MYZAP: variants seen among roughly 807,000 people sequenced by gnomAD.
MYZAP encodes myocardial zonula adherens protein, also known as GRINL1A complex locus upstream.
In MYZAP, 66 loss-of-function variants were observed where a neutral mutation model predicts 69.4. That is an observed-to-expected ratio of 0.95 (90% CI 0.78 to 1.17). MYZAP has a LOEUF of 1.17. Among genes scored for constraint, MYZAP ranks in the 50% most tolerant of loss-of-function variants. The pLI is 0.00. For synonymous variants in MYZAP, 256 were observed against 205.9 expected (o/e 1.24, Z -2.09); for missense variants, 611 against 556.2 (o/e 1.10, Z -0.99).
At chr15:57,647,055 G>A in intron 10 of MYZAP, 3 of 985,404 alleles carry the variant, frequency 3.0e-6, no homozygotes, top group Non-Finnish European at 3.6e-6. Flanking sequence ...CGTGGAGTGA[G>A]TGCGTTCAGA....
rs979080553 is a variant in MYZAP at position 57,620,109 on chromosome 15, C to T, written c.319-1499C>T. On this transcript the variant is annotated intron_variant, in intron 3 of 12. Transcript: ENST00000267853. ...CCAGCTCAGGGCCACACATGAAAGC[C>T]GTTCTGCCTGCCTAGAATGAAAAGT... is the stretch of plus-strand genomic sequence containing the variant. Among the ~76,000 whole-genome samples, 5 of 152,156 alleles carry T rather than the reference C, an allele frequency of 3.3e-5. No individual in the cohort carries two copies. In the East Asian group the frequency reaches 5.8e-4, roughly 18 times the overall value.
intron 10 of MYZAP, among the ~76,000 whole-genome samples, chr15:57,642,383 A>C (rs1288921119): frequency 6.6e-6 from 1 of 152,224 alleles, no homozygotes; most frequent in African/African-American, 2.4e-5. Context: ...ATTTTGAAAA[A>C]TCCGGAGTAC....
At chr15:57,599,487 C>T (rs1274261764) in intron 1 of MYZAP, 2 of 1,191,962 alleles carry the variant, frequency 1.7e-6, no homozygotes, top group Non-Finnish European at 2.1e-6. Flanking sequence ...GGAACCCTTG[C>T]CCCCAGGGAC....
chr15:57,629,970 G>GTTTTTTTTTTTTTTTT lies in MYZAP; in HGVS notation c.678+116_678+117insTTTTTTTTTTTTTTTT, dbSNP rs1567216271. 4 of 863,542 alleles carry GTTTTTTTTTTTTTTTT rather than the reference G, an allele frequency of 4.6e-6. No homozygotes were observed. The African/African-American group carries it at 1.1e-4, about 24-fold the overall frequency. 53.5% of individuals were successfully genotyped at this position (863,542 alleles called of 1,614,324 possible). A position where few individuals can be genotyped will look rare whatever the true frequency, so the allele number is the denominator to read the frequency against. ...CTTTTCTCCATTCTCTTCTTCATTG[G>GTTTTTTTTTTTTTTTT]ATTTTTTTTTTTTTTTGAGACAGAG... On this transcript the variant is annotated intron_variant, in intron 6 of 12. Transcript: ENST00000267853.
At chr15:57,620,985 GTAAT>G (rs1203092753) in intron 3 of MYZAP, among the ~76,000 whole-genome samples, 1 of 147,368 alleles carries the variant, frequency 6.8e-6, no homozygotes, top group Non-Finnish European at 1.5e-5. Context: ...ATAATTTTAT[GTAAT>G]TAATATATAT....
rs766018707 is a variant in MYZAP at position 57,592,711 on chromosome 15, A to G, written c.75+602A>G. ...GGCAGCACTGAAAGCTTGGGACAGC[A>G]TCTCCAGGGAAGGTTTCCCTTTGGA... On this transcript the variant is annotated intron_variant, in intron 1 of 12. Coordinates refer to ENST00000267853, the MANE Select transcript of MYZAP (RefSeq NM_001018100.5). 2.6e-5 allele frequency among the ~76,000 whole-genome samples: 4 copies of G among 152,282 alleles called. No homozygotes were observed. In the South Asian group the frequency reaches 6.2e-4, roughly 24 times the overall value.
At chr15:57,604,139 C>T (rs2034588698) in intron 1 of MYZAP, 130 bp from the exon 2 acceptor site, 2 of 966,886 alleles carry the variant, frequency 2.1e-6, no homozygotes, top group Non-Finnish European at 3.1e-6. Flanking sequence ...TCCTCTATGG[C>T]TCCTGTATGA....
intron 12 of MYZAP, among the ~76,000 whole-genome samples, chr15:57,678,284 C>G (rs1436499156): frequency 6.6e-6 from 1 of 151,996 alleles, no homozygotes; most frequent in Non-Finnish European, 1.5e-5. Flanking sequence ...ATAGCTTGAA[C>G]CCGGGAGGCA....
At chr15:57,622,654 T>C (rs1322872898) in intron 4 of MYZAP, among the ~76,000 whole-genome samples, 1 of 152,178 alleles carries the variant, frequency 6.6e-6, no homozygotes, top group East Asian at 1.9e-4. Context: ...AGTCAATATG[T>C]GCTATTGGGA....
At chr15:57,680,954 A>G (rs2039404233) in intron 12 of MYZAP, among the ~76,000 whole-genome samples, 1 of 152,242 alleles carries the variant, frequency 6.6e-6, no homozygotes, top group Non-Finnish European at 1.5e-5. Context: ...AAATGTGTTA[A>G]GGCAAATGGT....
chr15:57,642,885 T>G (rs1473763182), intron 10 of MYZAP, among the ~76,000 whole-genome samples: 3 of 152,186 alleles, frequency 2.0e-5, no homozygotes, highest in African/African-American at 7.2e-5. Flanking sequence ...GAAGGGCTCA[T>G]GGTGGGGGTG....
In MYZAP at chr15:57,616,211, G is replaced by C. The variant is rs572017315; in HGVS notation, c.163-1822G>C. 3.3e-5 allele frequency among the ~76,000 whole-genome samples: 5 copies of C among 152,304 alleles called. No homozygotes were observed. The East Asian group carries it at 5.8e-4, about 18-fold the overall frequency. On this transcript the variant is annotated intron_variant, in intron 2 of 12. Transcript: ENST00000267853. ...ATTTTCAAATGCAAATTAAAGTTTT[G>C]TGTGTTAAAAAATGCTTTGTGGGCC...
At chr15:57,602,658 C>T (rs2034489991) in intron 1 of MYZAP, among the ~76,000 whole-genome samples, 1 of 152,226 alleles carries the variant, frequency 6.6e-6, no homozygotes, top group South Asian at 2.1e-4. Context: ...CATGGCATTT[C>T]AGGCATGTGA....
chr15:57,664,122 T>G (rs1201558280), intron 11 of MYZAP, among the ~76,000 whole-genome samples: 1 of 151,884 alleles, frequency 6.6e-6, no homozygotes, highest in African/African-American at 2.4e-5. Flanking sequence ...TCTTTCAATA[T>G]TTTCTTAGGG....
At chr15:57,642,441 G>A (rs556459741) in intron 10 of MYZAP, among the ~76,000 whole-genome samples, 3 of 152,300 alleles carry the variant, frequency 2.0e-5, no homozygotes, top group Non-Finnish European at 4.4e-5. Context: ...CTCTAGAAGA[G>A]AAGTATGTTT....
intron 11 of MYZAP, among the ~76,000 whole-genome samples, chr15:57,667,042 A>G (rs2038609755): frequency 6.6e-6 from 1 of 152,208 alleles, no homozygotes; most frequent in African/African-American, 2.4e-5. Flanking sequence ...TCTGTCGGAT[A>G]TACTACACTT....
intron 6 of MYZAP, among the ~76,000 whole-genome samples, chr15:57,630,262 T>G (rs1373602508): frequency 6.6e-6 from 1 of 152,192 alleles, no homozygotes; most frequent in East Asian, 1.9e-4. Context: ...GCCACCGTGC[T>G]TGGCCCAGTT....
Position 57,661,333 on chromosome 15 carries a change from A to G in MYZAP, c.1120-117A>G, listed in dbSNP as rs184271969. On this transcript the variant is annotated intron_variant, in intron 10 of 12. Coordinates refer to ENST00000267853, the MANE Select transcript of MYZAP (RefSeq NM_001018100.5). ...CATCCAGCCCCACTGGAAATGAGGA[A>G]AAATAGAAATAGAAATAAAAATAAA... 566 of 818,208 alleles carry G rather than the reference A, an allele frequency of 6.9e-4. 1 individual carries two copies. Among genetic ancestry groups the G allele is most frequent in the Non-Finnish European group, 8.5e-5 (44 of 515,926 alleles). The allele number at this position is 818,208 out of a possible 1,614,324, so 50.7% of individuals were successfully genotyped here.
At chr15:57,653,561 A>AC (rs2037833153) in intron 10 of MYZAP, among the ~76,000 whole-genome samples, 2 of 152,346 alleles carry the variant, frequency 1.3e-5, no homozygotes, top group South Asian at 4.1e-4. Context: ...ATTAAATGTG[A>AC]CCATCAGTTT....
Sources: allele counts gnomAD v4.1 joint callset (sites outside exome capture counted in the v4.1 genomes callset), GRCh38; gene constraint gnomAD v4.1.1; transcripts MANE v1.5; gene names NCBI Gene and HGNC (gene_info 2026-07-23, HGNC 2026-07-21).